The following SMURF1 variants were observed in gnomAD, a reference collection of about 807,000 sequenced individuals.
SMURF1 encodes the protein E3 ubiquitin-protein ligase SMURF1.
SMURF1 carries 44 observed loss-of-function variants against 98.0 expected under a neutral mutation model. That is an observed-to-expected ratio of 0.45 (90% CI 0.35 to 0.58). The LOEUF (loss-of-function observed/expected upper bound fraction) is 0.58, where lower values mean the gene tolerates loss of function less well. Ranked by LOEUF, SMURF1 falls within the 20% of genes least tolerant of loss-of-function variation. The pLI is 0.00. For missense variants in SMURF1, 687 were observed against 938.4 expected (o/e 0.73, Z 3.50); for synonymous variants, 396 against 374.9 (o/e 1.06, Z -0.65).
intron 5 of SMURF1, among the ~76,000 whole-genome samples, chr7:99,055,503 T>A (rs1364538432): frequency 6.7e-6 from 1 of 149,412 alleles, no homozygotes; most frequent in Non-Finnish European, 1.5e-5. Flanking sequence ...ATAATAAAAA[T>A]AAGAAGTTTT....
chr7:99,042,717 G>T (rs183433714), intron 11 of SMURF1, among the ~76,000 whole-genome samples: 6 of 152,328 alleles, frequency 3.9e-5, no homozygotes, highest in African/African-American at 1.4e-4. Context: ...GTTGCATTAA[G>T]CCCAGCCCTT....
rs71118655 is a variant in SMURF1 at position 99,077,039 on chromosome 7, CTT to C, written c.56-15204_56-15203del. Among the ~76,000 whole-genome samples, 779 of 151,644 alleles carry C rather than the reference CTT, an allele frequency of 5.1e-3. 3 individuals are homozygous for C. The highest frequency in any genetic ancestry group is 0.021 in the Middle Eastern group (6 of 292). ...TTACAGAACAGTGACGAGGTAAACT[CTT>C]TTTGGTAAAATTGTGTGTATGTGGA... On this transcript the variant is annotated intron_variant, in intron 1 of 17. Coordinates refer to ENST00000361368, the MANE Select transcript of SMURF1 (RefSeq NM_181349.3).
intron 1 of SMURF1, among the ~76,000 whole-genome samples, chr7:99,105,057 T>A (rs1198785626): frequency 1.3e-5 from 2 of 152,230 alleles, no homozygotes; most frequent in Non-Finnish European, 2.9e-5. Context: ...ATAATCATTC[T>A]CTTCTATATA....
intron 1 of SMURF1, among the ~76,000 whole-genome samples, chr7:99,100,898 AT>A (rs1797062883): frequency 6.6e-6 from 1 of 152,252 alleles, no homozygotes; most frequent in South Asian, 2.1e-4. Context: ...CAAATTTTAA[AT>A]CCAAAGCCGA....
intron 16 of SMURF1, 59 bp from the exon 17 acceptor site, chr7:99,033,180 C>T (rs1794983983): frequency 6.6e-7 from 1 of 1,512,224 alleles, no homozygotes; most frequent in Non-Finnish European, 9.0e-7. Flanking sequence ...CGCTTCCCGG[C>T]CACACAGCCC....
chr7:99,126,587 G>A lies in SMURF1; in HGVS notation c.55+17139C>T, dbSNP rs190370474. 3.9e-5 allele frequency among the ~76,000 whole-genome samples: 6 copies of A among 152,192 alleles called. 1 individual carries two copies. Among genetic ancestry groups the A allele is most frequent in the Admixed American group, 3.3e-4 (5 of 15,298 alleles). ...GGAGAATTGCTTGAACCCAGGAGAT[G>A]GAGGTTGCAGTGAGCTGAGATTGCG... On this transcript the variant is annotated intron_variant, in intron 1 of 17. Transcript: ENST00000361368.
intron 1 of SMURF1, among the ~76,000 whole-genome samples, chr7:99,089,869 C>T (rs941302474): frequency 1.4e-4 from 22 of 152,272 alleles, no homozygotes; most frequent in African/African-American, 5.1e-4. Context: ...GATCTTTTAT[C>T]GTACTACCAT....
At chr7:99,082,604 G>A (rs887225186) in intron 1 of SMURF1, among the ~76,000 whole-genome samples, 1 of 152,246 alleles carries the variant, frequency 6.6e-6, no homozygotes, top group African/African-American at 2.4e-5. Context: ...CCATTCTGTC[G>A]TAATTACTTT....
At chr7:99,052,668 G>A (rs1795788414) in intron 6 of SMURF1, among the ~76,000 whole-genome samples, 1 of 152,198 alleles carries the variant, frequency 6.6e-6, no homozygotes, top group African/African-American at 2.4e-5. Context: ...GTGTCCCCAA[G>A]GCCAACTGTA....
chr7:99,037,600 C>T (rs1795195876), intron 14 of SMURF1, among the ~76,000 whole-genome samples: 2 of 152,212 alleles, frequency 1.3e-5, no homozygotes, highest in Admixed American at 1.3e-4. Flanking sequence ...CCCCCACTCC[C>T]CGGATCTCTC....
At chr7:99,040,321 A>T in intron 13 of SMURF1, 57 bp downstream of exon 13, 1 of 1,406,214 alleles carries the variant, frequency 7.1e-7, no homozygotes, top group Non-Finnish European at 9.3e-7. Context: ...GCGCATACAT[A>T]CGATAGACGT....
intron 1 of SMURF1, 85 bp from the exon 2 acceptor site, chr7:99,061,922 G>A: frequency 1.0e-6 from 1 of 999,546 alleles, no homozygotes. Context: ...CGAACAAAAA[G>A]ACTCTAAAAA....
At chr7:99,049,390 C>A in intron 9 of SMURF1, 173 bp downstream of exon 9, 1 of 683,736 alleles carries the variant, frequency 1.5e-6, no homozygotes, top group Non-Finnish European at 2.4e-6. Flanking sequence ...GTGCTCTTCA[C>A]AGCTAATTTA....
intron 1 of SMURF1, among the ~76,000 whole-genome samples, chr7:99,117,292 T>C (rs1797479570): frequency 6.6e-6 from 1 of 152,160 alleles, no homozygotes; most frequent in South Asian, 2.1e-4. Context: ...GTTATGACTT[T>C]GGATTAGGTA....
intron 1 of SMURF1, among the ~76,000 whole-genome samples, chr7:99,122,468 A>G (rs1231865805): frequency 6.6e-6 from 1 of 151,740 alleles, no homozygotes; most frequent in African/African-American, 2.4e-5. Context: ...ACATGATGAA[A>G]CCTCATCTCT....
intron 2 of SMURF1, among the ~76,000 whole-genome samples, chr7:99,061,354 C>T (rs530225121): frequency 6.6e-6 from 1 of 152,294 alleles, no homozygotes; most frequent in South Asian, 2.1e-4. Context: ...GGAGTGATTC[C>T]TTCCTTTAGA....
intron 1 of SMURF1, among the ~76,000 whole-genome samples, chr7:99,137,441 A>T (rs1798017107): frequency 6.6e-6 from 1 of 152,212 alleles, no homozygotes; most frequent in Admixed American, 6.5e-5. Context: ...TCCCCAGTCC[A>T]GTGTTGGAAC....
chr7:99,076,049 C>T (rs1796449652), intron 1 of SMURF1, among the ~76,000 whole-genome samples: 1 of 152,170 alleles, frequency 6.6e-6, no homozygotes, highest in South Asian at 2.1e-4. Context: ...ATGTGTCCTG[C>T]AGGTCATTAC....
chr7:99,063,279 A>ATATATATATATATAAGATTTT (rs1796103958), intron 1 of SMURF1, among the ~76,000 whole-genome samples: 1 of 19,352 alleles, frequency 5.2e-5, no homozygotes. Flanking sequence ...ATATATATAT[A>ATATATATATATATAAGATTTT]TATATATATA....
Sources: allele counts gnomAD v4.1 joint callset (sites outside exome capture counted in the v4.1 genomes callset), GRCh38; gene constraint gnomAD v4.1.1; transcripts MANE v1.5; gene names NCBI Gene and HGNC (gene_info 2026-07-23, HGNC 2026-07-21).